The following CNTNAP2 variants were observed in gnomAD, a reference collection of about 807,000 sequenced individuals.
The protein encoded by CNTNAP2 is contactin associated protein 2.
A neutral mutation model predicts 155.2 loss-of-function variants in CNTNAP2; 98 were observed. The ratio of observed to expected loss-of-function variants is 0.63; its 90% CI spans 0.54 to 0.75. The LOEUF is 0.75. Among genes scored for constraint, CNTNAP2 ranks in the 30% least tolerant of loss-of-function variants. The pLI, the probability that CNTNAP2 is intolerant of heterozygous loss-of-function variation, is 0.00. For missense variants in CNTNAP2, 1,727 were observed against 1,688.1 expected (o/e 1.02, Z -0.40); for synonymous variants, 651 against 631.2 (o/e 1.03, Z -0.47).
chr7:147,683,363 G>T (rs1021845243), intron 13 of CNTNAP2, among the ~76,000 whole-genome samples: 2 of 151,752 alleles, frequency 1.3e-5, no homozygotes, highest in African/African-American at 4.8e-5. Context: ...CCTGTGTATT[G>T]CCAGATCTAT....
chr7:148,336,099 T>C (rs1429570973), intron 21 of CNTNAP2, among the ~76,000 whole-genome samples: 1 of 152,236 alleles, frequency 6.6e-6, no homozygotes, highest in African/African-American at 2.4e-5. Context: ...TAGATTCATT[T>C]ATTCATTCAT....
Position 147,491,444 on chromosome 7 carries a change from A to C in CNTNAP2, c.1777+5403A>C, listed in dbSNP as rs556126495. Among the ~76,000 whole-genome samples the C allele has an allele frequency of 1.6e-4, 24 of 150,478 alleles. No individual in the cohort carries two copies. In the South Asian group the frequency reaches 3.4e-3, roughly 21 times the overall value. Reference sequence around the variant, plus strand: ...TTTCCATGGCCCTGTAGTTAGATCAAATCCTCTTATTCTAAAACACACATA... The same window carrying C: ...TTTCCATGGCCCTGTAGTTAGATCACATCCTCTTATTCTAAAACACACATA... On this transcript the variant is annotated intron_variant, in intron 11 of 23. Coordinates refer to ENST00000361727, the MANE Select transcript of CNTNAP2 (RefSeq NM_014141.6).
At chr7:146,327,277 T>C (rs1801113662) in intron 1 of CNTNAP2, among the ~76,000 whole-genome samples, 1 of 152,242 alleles carries the variant, frequency 6.6e-6, no homozygotes, top group African/African-American at 2.4e-5. Flanking sequence ...TAGACTGTAC[T>C]GTAAACAATA....
chr7:148,301,423 C>T (rs1433207505), intron 21 of CNTNAP2, among the ~76,000 whole-genome samples: 3 of 149,348 alleles, frequency 2.0e-5, no homozygotes, highest in South Asian at 2.1e-4. Context: ...GTGACATTAT[C>T]TGTGAAATAA....
At chr7:147,750,692 A>C (rs2116502158) in intron 13 of CNTNAP2, among the ~76,000 whole-genome samples, 1 of 152,318 alleles carries the variant, frequency 6.6e-6, no homozygotes, top group South Asian at 2.1e-4. Flanking sequence ...ATCAGCTAAA[A>C]TGATCCTGGG....
At chr7:147,252,688 A>T (rs751669223) in intron 8 of CNTNAP2, among the ~76,000 whole-genome samples, 19 of 152,102 alleles carry the variant, frequency 1.2e-4, no homozygotes, top group Non-Finnish European at 2.9e-5. Context: ...ATTCGATACT[A>T]ATTATAATAC....
chr7:147,275,040 C>T (rs1189868103), intron 8 of CNTNAP2, among the ~76,000 whole-genome samples: 1 of 151,998 alleles, frequency 6.6e-6, no homozygotes, highest in Non-Finnish European at 1.5e-5. Flanking sequence ...ATACCAATAC[C>T]ATGCTGTTTT....
chr7:146,680,676 C>T (rs948581447), intron 1 of CNTNAP2, among the ~76,000 whole-genome samples: 12 of 152,262 alleles, frequency 7.9e-5, no homozygotes, highest in African/African-American at 2.2e-4. Flanking sequence ...GCTTTCTGTA[C>T]GTGTGTTCTG....
chr7:146,864,843 C>T (rs1029978089), intron 3 of CNTNAP2, among the ~76,000 whole-genome samples: 23 of 141,244 alleles, frequency 1.6e-4, no homozygotes, highest in African/African-American at 5.6e-4. Flanking sequence ...AAAACAGAAC[C>T]TGCAGGGTGG....
intron 13 of CNTNAP2, among the ~76,000 whole-genome samples, chr7:147,718,789 G>A (rs913630056): frequency 6.6e-6 from 1 of 152,138 alleles, no homozygotes; most frequent in Non-Finnish European, 1.5e-5. Flanking sequence ...ATATTGCAGA[G>A]CAGCACTTCC....
intron 1 of CNTNAP2, among the ~76,000 whole-genome samples, chr7:146,605,382 AT>A (rs1799029761): frequency 6.6e-6 from 1 of 151,408 alleles, no homozygotes; most frequent in African/African-American, 2.4e-5. Context: ...TGGATCAAAC[AT>A]AACTCTTACT....
chr7:147,433,765 C>T (rs1797503389), intron 10 of CNTNAP2, among the ~76,000 whole-genome samples: 1 of 152,110 alleles, frequency 6.6e-6, no homozygotes, highest in Non-Finnish European at 1.5e-5. Context: ...ATGTTACTAC[C>T]TGGAACTCTG....
intron 5 of CNTNAP2, among the ~76,000 whole-genome samples, chr7:147,110,208 C>T (rs894885634): frequency 8.5e-5 from 13 of 152,076 alleles, no homozygotes; most frequent in African/African-American, 1.7e-4. Flanking sequence ...TACAAGCCAC[C>T]GTGCCTGGCC....
In CNTNAP2 at chr7:147,341,436, A is replaced by AC. The variant is rs111606568; in HGVS notation, c.1498+41146_1498+41147insC. Among the ~76,000 whole-genome samples the AC allele has an allele frequency of 2.6e-5, 4 of 151,276 alleles. No individual in the cohort carries two copies. In the East Asian group the frequency reaches 7.8e-4, roughly 29 times the overall value. ...CATGTATCCCAGAAATTAAAGTATA[A>AC]AAAAAAAATTTAAAAAATAATAAAA... On this transcript the variant is annotated intron_variant, in intron 9 of 23. Transcript: ENST00000361727.
intron 1 of CNTNAP2, among the ~76,000 whole-genome samples, chr7:146,471,640 A>G (rs17170101): frequency 0.034 from 5,169 of 152,336 alleles, 282 homozygotes; most frequent in African/African-American, 0.12. Flanking sequence ...TAACAAATGA[A>G]TGCTCAAATG....
At chr7:146,734,744 A>G (rs1563209536) in intron 1 of CNTNAP2, among the ~76,000 whole-genome samples, 1 of 152,222 alleles carries the variant, frequency 6.6e-6, no homozygotes, top group South Asian at 2.1e-4. Flanking sequence ...AATTTTGAAC[A>G]TGCTTCATAA....
At chr7:146,730,509 A>G (rs1425498759) in intron 1 of CNTNAP2, among the ~76,000 whole-genome samples, 1 of 152,200 alleles carries the variant, frequency 6.6e-6, no homozygotes, top group South Asian at 2.1e-4. Context: ...ATTATACAGT[A>G]TGCCCTAAAG....
At chr7:148,272,352 G>C (rs1585232860) in intron 21 of CNTNAP2, among the ~76,000 whole-genome samples, 2 of 152,200 alleles carry the variant, frequency 1.3e-5, no homozygotes, top group South Asian at 2.1e-4. Flanking sequence ...TTATCTTTCA[G>C]CAACAAATTT....
chr7:147,095,907 C>T (rs927422706), intron 4 of CNTNAP2, among the ~76,000 whole-genome samples: 5 of 152,148 alleles, frequency 3.3e-5, no homozygotes, highest in African/African-American at 1.2e-4. Flanking sequence ...AACAAAACGA[C>T]AGGCAGCTTC....
Sources: gnomAD v4.1 joint callset for allele counts (sites outside exome capture counted in the v4.1 genomes callset) on GRCh38, gnomAD v4.1.1 for gene constraint, MANE v1.5 for transcripts, NCBI Gene and HGNC (gene_info 2026-07-23, HGNC 2026-07-21) for gene names.